Variants in MECOM observed in about 807,000 individuals in gnomAD.
MECOM encodes the protein histone-lysine N-methyltransferase MECOM.
In MECOM, 13 loss-of-function variants were observed where a neutral mutation model predicts 116.3. That is an observed-to-expected ratio of 0.11 (90% CI 0.07 to 0.18). MECOM has a LOEUF of 0.18. Among genes scored for constraint, MECOM ranks in the 10% least tolerant of loss-of-function variants. The pLI is 1.00. For missense variants in MECOM, 1,299 were observed against 1,509.0 expected, an observed-to-expected ratio of 0.86 and a Z score of 2.31; for synonymous variants, 528 against 535.2, an observed-to-expected ratio of 0.99 and a Z score of 0.19.
intron 1 of MECOM, among the ~76,000 whole-genome samples, chr3:169,629,026 C>T (rs1424792615): frequency 6.6e-6 from 1 of 151,932 alleles, no homozygotes; most frequent in Admixed American, 6.6e-5. Context: ...TGGTGTTTGA[C>T]TTCCCAAAGA....
chr3:169,587,342 A>C (rs575853322), intron 1 of MECOM, among the ~76,000 whole-genome samples: 1 of 152,064 alleles, frequency 6.6e-6, no homozygotes, highest in Admixed American at 6.6e-5. Flanking sequence ...TTAAGAGAAC[A>C]GTAACATTTT....
In MECOM at chr3:169,347,047, G is replaced by A. The variant is rs1025359695; in HGVS notation, c.375+34140C>T. ...TACAATAATTGATAAAGAATGAGGA[G>A]GTTCTCTACATGTGGATATGGAATG... On this transcript the variant is annotated intron_variant, in intron 2 of 16. Transcript: ENST00000651503. Among the ~76,000 whole-genome samples the A allele has an allele frequency of 5.3e-5, 8 of 152,112 alleles. No individual in the cohort carries two copies. In the East Asian group the frequency reaches 1.5e-3, roughly 29 times the overall value.
At chr3:169,648,107 A>G (rs1774408043) in intron 1 of MECOM, among the ~76,000 whole-genome samples, 1 of 152,238 alleles carries the variant, frequency 6.6e-6, no homozygotes, top group Admixed American at 6.5e-5. Flanking sequence ...ATGACATGTT[A>G]TGACATGGTT....
At chr3:169,123,524 G>A (rs192525595) in intron 5 of MECOM, among the ~76,000 whole-genome samples, 24 of 152,010 alleles carry the variant, frequency 1.6e-4, no homozygotes, top group Non-Finnish European at 1.5e-5. Context: ...TCTAAAATTT[G>A]TATATGAAAT....
At chr3:169,247,596 A>G (rs1577460915) in intron 2 of MECOM, among the ~76,000 whole-genome samples, 1 of 152,342 alleles carries the variant, frequency 6.6e-6, no homozygotes, top group African/African-American at 2.4e-5. Context: ...GAGCCACTGT[A>G]CCAGGCCTCT....
intron 1 of MECOM, among the ~76,000 whole-genome samples, chr3:169,477,878 C>T (rs73174309): frequency 0.2 from 30,116 of 152,078 alleles, 3,461 homozygotes; most frequent in Non-Finnish European, 0.24. Context: ...CTAGACAAAG[C>T]GCAAGCACAG....
intron 2 of MECOM, among the ~76,000 whole-genome samples, chr3:169,284,302 C>T (rs1178968422): frequency 6.6e-6 from 1 of 152,194 alleles, no homozygotes; most frequent in Non-Finnish European, 1.5e-5. Context: ...CACATTCTAG[C>T]AGCCTCCTTC....
intron 2 of MECOM, among the ~76,000 whole-genome samples, chr3:169,356,043 CT>C (rs1479454562): frequency 1.3e-5 from 2 of 151,816 alleles, no homozygotes; most frequent in Non-Finnish European, 2.9e-5. Flanking sequence ...CATGCCTAAG[CT>C]TCTTTTAAGA....
At chr3:169,359,250 G>A (rs571722978) in intron 2 of MECOM, among the ~76,000 whole-genome samples, 1 of 151,796 alleles carries the variant, frequency 6.6e-6, no homozygotes, top group Non-Finnish European at 1.5e-5. Flanking sequence ...GTGCTCTGAG[G>A]TGCTTAGTTG....
At chr3:169,249,671 G>A (rs559959120) in intron 2 of MECOM, among the ~76,000 whole-genome samples, 2 of 152,270 alleles carry the variant, frequency 1.3e-5, no homozygotes, top group South Asian at 2.1e-4. Context: ...AATTGTTGAT[G>A]AGCAATAACA....
chr3:169,442,225 C>T (rs573285995), intron 1 of MECOM, among the ~76,000 whole-genome samples: 20 of 151,886 alleles, frequency 1.3e-4, no homozygotes, highest in African/African-American at 3.9e-4. Flanking sequence ...CATATCCAGC[C>T]AATTTTTGTA....
chr3:169,635,510 A>G (rs958888053), intron 1 of MECOM, among the ~76,000 whole-genome samples: 12 of 152,180 alleles, frequency 7.9e-5, no homozygotes, highest in African/African-American at 2.2e-4. Flanking sequence ...GGTTCTCCCC[A>G]TTTCCTGGAC....
intron 1 of MECOM, among the ~76,000 whole-genome samples, chr3:169,407,454 A>AT (rs1736884443): frequency 7.3e-6 from 1 of 137,070 alleles, no homozygotes; most frequent in African/African-American, 2.9e-5. Flanking sequence ...TCACAAAAAC[A>AT]TTTTTTGTAA....
intron 1 of MECOM, among the ~76,000 whole-genome samples, chr3:169,482,803 T>A (rs139835741): frequency 2.8e-4 from 42 of 152,340 alleles, no homozygotes; most frequent in African/African-American, 9.9e-4. Flanking sequence ...CTGTGATATG[T>A]TACATGTTTT....
chr3:169,378,501 GAAAGAAAGAAAGAAAAGAA>G (rs869147092), intron 2 of MECOM, among the ~76,000 whole-genome samples: 1 of 27,686 alleles, frequency 3.6e-5, no homozygotes, highest in African/African-American at 3.2e-4. Context: ...AAGAAAGAAA[GAAAGAAAGAAAGAAAAGAA>G]AGAAAGAAAG....
intron 1 of MECOM, among the ~76,000 whole-genome samples, chr3:169,491,124 T>A (rs990277931): frequency 6.6e-6 from 1 of 152,160 alleles, no homozygotes; most frequent in Non-Finnish European, 1.5e-5. Context: ...CCCAAAGTGC[T>A]GGGATTTCAG....
intron 2 of MECOM, among the ~76,000 whole-genome samples, chr3:169,206,252 T>C (rs982877919): frequency 1.3e-5 from 2 of 152,180 alleles, no homozygotes; most frequent in Non-Finnish European, 2.9e-5. Context: ...AATTCCTTTT[T>C]GCAGGAAAAA....
At chr3:169,337,441 A>G (rs895718457) in intron 2 of MECOM, among the ~76,000 whole-genome samples, 7 of 152,164 alleles carry the variant, frequency 4.6e-5, no homozygotes, top group African/African-American at 1.4e-4. Context: ...CAGTTTCAAG[A>G]ACACATTTGC....
At chr3:169,599,544 T>C (rs954687349) in intron 1 of MECOM, among the ~76,000 whole-genome samples, 8 of 150,116 alleles carry the variant, frequency 5.3e-5, no homozygotes, top group Admixed American at 4.0e-4. Context: ...TAAACCTGTA[T>C]ATGGAAAAAC....
Sources: allele counts gnomAD v4.1 joint callset (sites outside exome capture counted in the v4.1 genomes callset), GRCh38; gene constraint gnomAD v4.1.1; transcripts MANE v1.5; gene names NCBI Gene and HGNC (gene_info 2026-07-23, HGNC 2026-07-21).